The following CPED1 variants were observed in gnomAD, a reference collection of about 807,000 sequenced individuals.
CPED1 encodes cadherin-like and PC-esterase domain-containing protein 1.
CPED1 carries 114 observed loss-of-function variants against 128.2 expected under a neutral mutation model. The observed-to-expected ratio is 0.89, with a 90% confidence interval of 0.76 to 1.04. The LOEUF is 1.04. Ranked by LOEUF, CPED1 falls within the 50% of genes least tolerant of loss-of-function variation. The pLI is 0.00. For missense variants in CPED1, 1,211 were observed against 1,207.1 expected (o/e 1.00, Z -0.05); for synonymous variants, 462 against 426.7 (o/e 1.08, Z -1.02).
intron 4 of CPED1, among the ~76,000 whole-genome samples, chr7:121,063,331 A>G (rs1170572229): frequency 2.8e-5 from 4 of 145,334 alleles, no homozygotes; most frequent in Admixed American, 1.4e-4. Context: ...GCAGAAGTGG[A>G]ACCTAGAGAC....
intron 10 of CPED1, 24 bp downstream of exon 10, chr7:121,127,281 TA>T: frequency 7.0e-7 from 1 of 1,418,682 alleles, no homozygotes; most frequent in Non-Finnish European, 9.6e-7. Flanking sequence ...TGTGTACTGA[TA>T]AATATTTTTT....
chr7:121,100,174 C>G, intron 7 of CPED1, 80 bp downstream of exon 7: 1 of 1,200,244 alleles, frequency 8.3e-7, no homozygotes, highest in Non-Finnish European at 1.2e-6. Context: ...ATTTTCCCAC[C>G]TTTATGGTTA....
intron 3 of CPED1, among the ~76,000 whole-genome samples, chr7:121,020,742 G>C (rs1261385984): frequency 6.6e-6 from 1 of 151,906 alleles, no homozygotes; most frequent in African/African-American, 2.4e-5. Flanking sequence ...GAGCCTCCAA[G>C]CACCTAGAAC....
rs377162016 is a variant in CPED1 at position 120,989,887 on chromosome 7, C to G, written c.249+17C>G. ...ACCAGAAAGGTAAGACTCTCATAAG[C>G]TTAACGGAGACAGTTTCTGCAAAGA... On this transcript the variant is annotated intron_variant, in intron 2 of 22. Coordinates refer to ENST00000310396, the MANE Select transcript of CPED1 (RefSeq NM_024913.5). The G allele has an allele frequency of 5.1e-5, 82 of 1,612,742 alleles. No homozygotes were observed. The highest frequency in any genetic ancestry group is 6.8e-5 in the Non-Finnish European group (80 of 1,179,538).
At chr7:121,168,039 T>C (rs1371551452) in intron 16 of CPED1, among the ~76,000 whole-genome samples, 2 of 152,078 alleles carry the variant, frequency 1.3e-5, no homozygotes, top group African/African-American at 4.8e-5. Context: ...GACCCAAAAG[T>C]CTATTGCTTT....
chr7:121,175,483 G>T (rs1177272198), intron 16 of CPED1, among the ~76,000 whole-genome samples: 1 of 152,012 alleles, frequency 6.6e-6, no homozygotes, highest in Admixed American at 6.6e-5. Context: ...CCATTTTATT[G>T]TGACAGAAAC....
intron 5 of CPED1, among the ~76,000 whole-genome samples, chr7:121,093,397 T>TACAC (rs10526224): frequency 0.022 from 3,130 of 145,538 alleles, 71 homozygotes; most frequent in African/African-American, 0.059. Context: ...CCTTTTTCTG[T>TACAC]ACACACACAC....
At chr7:121,097,873 T>TAGGAG in intron 6 of CPED1, 42 bp downstream of exon 6, 1 of 1,605,634 alleles carries the variant, frequency 6.2e-7, no homozygotes, top group East Asian at 2.2e-5. Flanking sequence ...GCATGCATTG[T>TAGGAG]AGGAGACAGC....
intron 2 of CPED1, among the ~76,000 whole-genome samples, chr7:121,000,104 AT>A (rs937750622): frequency 2.6e-5 from 4 of 152,180 alleles, no homozygotes; most frequent in African/African-American, 9.6e-5. Context: ...GCTTCCTGTT[AT>A]CAACTCTGAG....
At position 121,057,730 on chromosome 7, in the gene CPED1, A is replaced by T. The variant is rs573313655; in HGVS notation, c.541-6508A>T. 3.9e-5 allele frequency among the ~76,000 whole-genome samples: 6 copies of T among 152,330 alleles called. No homozygotes were observed. The East Asian group carries it at 1.2e-3, about 29-fold the overall frequency. Reference sequence around the variant, plus strand: ...CTATCCCTTCACTGTTTCTACAATTATTTATTAAACATATTTATTTAGCTC... The same window carrying T: ...CTATCCCTTCACTGTTTCTACAATTTTTTATTAAACATATTTATTTAGCTC... On this transcript the variant is annotated intron_variant, in intron 4 of 22. Coordinates refer to ENST00000310396, the MANE Select transcript of CPED1 (RefSeq NM_024913.5).
chr7:121,165,251 TA>T lies in CPED1; in HGVS notation c.2055+23113del, dbSNP rs573579138. Among the ~76,000 whole-genome samples, 177 of 152,308 alleles carry T rather than the reference TA, an allele frequency of 1.2e-3. 1 individual carries two copies. The highest frequency in any genetic ancestry group is 3.8e-3 in the African/African-American group (160 of 41,590). ...AAACTTCACTTAAGTATCCAGTATATAAACTTCACTTAAGTATCCAGTAAGT... is the reference window on the plus strand; with the variant it reads ...AAACTTCACTTAAGTATCCAGTATATAACTTCACTTAAGTATCCAGTAAGT... On this transcript the variant is annotated intron_variant, in intron 16 of 22. Coordinates refer to ENST00000310396, the MANE Select transcript of CPED1 (RefSeq NM_024913.5).
At chr7:121,160,942 C>T (rs962469966) in intron 16 of CPED1, among the ~76,000 whole-genome samples, 9 of 152,072 alleles carry the variant, frequency 5.9e-5, no homozygotes, top group African/African-American at 1.9e-4. Flanking sequence ...AGACAATGAT[C>T]GAGGTCAACA....
chr7:121,091,147 A>G (rs1225148626), intron 5 of CPED1, among the ~76,000 whole-genome samples: 1 of 150,202 alleles, frequency 6.7e-6, no homozygotes, highest in Non-Finnish European at 1.5e-5. Flanking sequence ...CAAAATACAG[A>G]GGAAGAGACT....
intron 5 of CPED1, among the ~76,000 whole-genome samples, chr7:121,096,576 C>G (rs73717449): frequency 1.3e-5 from 2 of 151,966 alleles, no homozygotes; most frequent in African/African-American, 4.8e-5. Context: ...AATACAAATC[C>G]GCCACTAGAC....
chr7:121,116,474 G>A (rs1795235753), intron 7 of CPED1, among the ~76,000 whole-genome samples: 1 of 152,120 alleles, frequency 6.6e-6, no homozygotes, highest in African/African-American at 2.4e-5. Context: ...AAGTTACAAA[G>A]AAATATTCTT....
chr7:121,150,595 ATTTTG>A (rs1184912334), intron 16 of CPED1, among the ~76,000 whole-genome samples: 1 of 151,952 alleles, frequency 6.6e-6, no homozygotes, highest in Non-Finnish European at 1.5e-5. Context: ...TCAATTGGTA[ATTTTG>A]TTTTAAGGTC....
chr7:121,263,977 A>T (rs1168081617), intron 18 of CPED1, among the ~76,000 whole-genome samples: 1 of 152,058 alleles, frequency 6.6e-6, no homozygotes, highest in Non-Finnish European at 1.5e-5. Context: ...ATGTGCCTGT[A>T]TTTAGGAATA....
At chr7:121,095,355 C>T (rs976751453) in intron 5 of CPED1, among the ~76,000 whole-genome samples, 6 of 151,860 alleles carry the variant, frequency 4.0e-5, no homozygotes, top group Admixed American at 6.6e-5. Context: ...AATGTTTACA[C>T]GATTATTTAT....
At chr7:121,044,650 C>CTTTTT (rs58884492) in intron 3 of CPED1, among the ~76,000 whole-genome samples, 2 of 106,034 alleles carry the variant, frequency 1.9e-5, no homozygotes, top group African/African-American at 3.4e-5. Context: ...ACTTTCTGCT[C>CTTTTT]TTTTTTTTTT....
Sources: allele counts gnomAD v4.1 joint callset (sites outside exome capture counted in the v4.1 genomes callset), GRCh38; gene constraint gnomAD v4.1.1; transcripts MANE v1.5; gene names NCBI Gene and HGNC (gene_info 2026-07-23, HGNC 2026-07-21).